GLRA2: variants seen among roughly 807,000 people sequenced by gnomAD.
GLRA2 encodes glycine receptor subunit alpha-2.
GLRA2 carries 11 observed loss-of-function variants against 31.6 expected under a neutral mutation model. That is an observed-to-expected ratio of 0.35 (90% CI 0.22 to 0.58). The LOEUF (loss-of-function observed/expected upper bound fraction) is 0.58, where lower values mean the gene tolerates loss of function less well. Ranked by LOEUF, GLRA2 falls within the 20% of genes least tolerant of loss-of-function variation. The probability of loss-of-function intolerance (pLI) is 0.84; values close to 1 mark genes in which losing one functional copy is unlikely to be tolerated. For missense variants in GLRA2, 212 were observed against 351.8 expected, an observed-to-expected ratio of 0.60 and a Z score of 3.18; for synonymous variants, 132 against 134.0, an observed-to-expected ratio of 0.99 and a Z score of 0.10.
the GLRA2 span, among the ~76,000 whole-genome samples, chrX:14,464,750 G>T: frequency 9.0e-6 from 1 of 110,645 alleles, no homozygotes; most frequent in South Asian, 3.9e-4. Context: ...TAGAGATGGG[G>T]TTTCACTTGT....
At chrX:14,565,930 C>A (rs2089799368) in intron 2 of GLRA2, among the ~76,000 whole-genome samples, 1 of 111,250 alleles carries the variant, frequency 9.0e-6, no homozygotes, top group Non-Finnish European at 1.9e-5. Flanking sequence ...ATAAGAAGAG[C>A]AAACTAAACC....
intron 3 of GLRA2, among the ~76,000 whole-genome samples, chrX:14,576,258 C>T (rs1353521502): frequency 9.0e-6 from 1 of 111,172 alleles, no homozygotes; most frequent in Admixed American, 9.6e-5. Context: ...TATTCTGAAA[C>T]ATTATTACCC....
intron 8 of GLRA2, among the ~76,000 whole-genome samples, chrX:14,729,082 A>G (rs767654156): frequency 8.9e-6 from 1 of 112,618 alleles, no homozygotes; most frequent in African/African-American, 3.2e-5. Context: ...CATTCATATT[A>G]TAAGTCCTTC....
chrX:14,549,422 G>C (rs1016118544), intron 2 of GLRA2, among the ~76,000 whole-genome samples: 1 of 111,611 alleles, frequency 9.0e-6, no homozygotes, highest in African/African-American at 3.3e-5. Flanking sequence ...AGATTTCTAA[G>C]AAGATAACTC....
intron 2 of GLRA2, among the ~76,000 whole-genome samples, chrX:14,548,605 C>T (rs181900678): frequency 9.0e-6 from 1 of 111,440 alleles, no homozygotes; most frequent in East Asian, 2.8e-4. Flanking sequence ...ATTTCAGTAC[C>T]AATATCCCAT....
the GLRA2 span, among the ~76,000 whole-genome samples, chrX:14,463,395 G>A: frequency 5.4e-5 from 6 of 111,634 alleles, no homozygotes; most frequent in East Asian, 2.8e-4. Context: ...CTGTCAGGCC[G>A]GGATGTTTAA....
intron 3 of GLRA2, 175 bp downstream of exon 3, chrX:14,574,575 C>G (rs745817159): frequency 9.0e-7 from 1 of 1,107,159 alleles, no homozygotes; most frequent in African/African-American, 1.8e-5. Flanking sequence ...TGGGACTGAG[C>G]ATTGAAGCCA....
At chrX:14,507,840 C>T in the GLRA2 span, among the ~76,000 whole-genome samples, 1 of 106,978 alleles carries the variant, frequency 9.3e-6, no homozygotes, top group African/African-American at 3.4e-5. Context: ...ATTATAGGCA[C>T]GTGCCACCAC....
At chrX:14,704,216 G>A in intron 8 of GLRA2, among the ~76,000 whole-genome samples, 1 of 112,344 alleles carries the variant, frequency 8.9e-6, no homozygotes, top group Non-Finnish European at 1.9e-5. Context: ...TTCTAAAATA[G>A]GTTTCATAAC....
the GLRA2 span, among the ~76,000 whole-genome samples, chrX:14,501,517 T>C: frequency 9.0e-6 from 1 of 111,678 alleles, no homozygotes; most frequent in Non-Finnish European, 1.9e-5. Flanking sequence ...CCTTGTGCTT[T>C]GTTCTGGCTT....
At chrX:14,517,553 G>A in the GLRA2 span, among the ~76,000 whole-genome samples, 1 of 111,646 alleles carries the variant, frequency 9.0e-6, no homozygotes, top group Non-Finnish European at 1.9e-5. Flanking sequence ...CAGATCTTGT[G>A]AGAACTCACT....
chrX:14,469,395 C>T, the GLRA2 span, among the ~76,000 whole-genome samples: 1 of 110,090 alleles, frequency 9.1e-6, no homozygotes, highest in Non-Finnish European at 1.9e-5. Flanking sequence ...CACATGCACA[C>T]GTATGTTTAT....
chrX:14,462,390 G>A, the GLRA2 span, among the ~76,000 whole-genome samples: 1 of 111,296 alleles, frequency 9.0e-6, no homozygotes, highest in Non-Finnish European at 1.9e-5. Flanking sequence ...TTGAATGTTG[G>A]CCTGCCTTGC....
At chrX:14,547,078 C>A (rs1001639827) in intron 2 of GLRA2, among the ~76,000 whole-genome samples, 5 of 111,113 alleles carry the variant, frequency 4.5e-5, no homozygotes, top group Non-Finnish European at 9.4e-5. Flanking sequence ...CAGAATGACA[C>A]CTTTAAAAAA....
intron 7 of GLRA2, among the ~76,000 whole-genome samples, chrX:14,613,992 T>C (rs2090429338): frequency 8.9e-6 from 1 of 111,865 alleles, no homozygotes; most frequent in South Asian, 3.7e-4. Flanking sequence ...TATCAGACTT[T>C]TAAAAAATTA....
At chrX:14,697,330 A>G (rs2091463387) in intron 8 of GLRA2, among the ~76,000 whole-genome samples, 1 of 112,021 alleles carries the variant, frequency 8.9e-6, no homozygotes, top group Admixed American at 9.5e-5. Context: ...TTTTATTAAT[A>G]GTTGCATTAA....
chrX:14,594,260 T>C (rs1207429242), intron 4 of GLRA2, among the ~76,000 whole-genome samples: 1 of 111,288 alleles, frequency 9.0e-6, no homozygotes, highest in East Asian at 2.8e-4. Context: ...CTCTTCCCCC[T>C]TTTTTTTAAA....
the GLRA2 span, among the ~76,000 whole-genome samples, chrX:14,474,422 A>G: frequency 9.0e-6 from 1 of 111,684 alleles, no homozygotes; most frequent in Non-Finnish European, 1.9e-5. Context: ...AACTCTAACC[A>G]GAACTCACTG....
rs980639193 is a variant in GLRA2, at chrX:14,691,875, GAA to G, written c.1080+1018_1080+1019del. ...TAACATTTTATGTACAGTAGAGAGA[GAA>G]AGATTTTTCAAAATCTGTTCCAGAA... On this transcript the variant is annotated intron_variant, in intron 8 of 8. Transcript: ENST00000218075. 6.9e-4 allele frequency among the ~76,000 whole-genome samples: 78 copies of G among 112,314 alleles called. 2 individuals carry two copies. The highest frequency in any genetic ancestry group is 2.1e-4 in the Non-Finnish European group (11 of 53,283).
Sources: allele counts gnomAD v4.1 joint callset (sites outside exome capture counted in the v4.1 genomes callset), GRCh38; gene constraint gnomAD v4.1.1; transcripts MANE v1.5; gene names NCBI Gene and HGNC (gene_info 2026-07-23, HGNC 2026-07-21).